DIS3L2: variants seen among roughly 807,000 people sequenced by gnomAD.
The protein encoded by DIS3L2 is DIS3 like 3'-5' exoribonuclease 2.
Under a neutral mutation model 97.5 loss-of-function variants are expected in DIS3L2, and 34 were observed. That is an observed-to-expected ratio of 0.35 (90% confidence interval 0.27 to 0.46). The LOEUF (loss-of-function observed/expected upper bound fraction) is 0.46. Ranked by LOEUF, DIS3L2 falls within the 20% of genes least tolerant of loss-of-function variation. DIS3L2 has a pLI of 1.00. For missense variants in DIS3L2, 1,038 were observed against 1,146.0 expected (o/e 0.91, Z 1.36); for synonymous variants, 435 against 445.2 (o/e 0.98, Z 0.29).
At chr2:232,227,987 G>T (rs990455596) in intron 10 of DIS3L2, among the ~76,000 whole-genome samples, 1 of 152,176 alleles carries the variant, frequency 6.6e-6, no homozygotes, top group Non-Finnish European at 1.5e-5. Flanking sequence ...GTTTGTTTGA[G>T]ATGGAGTTTT....
intron 14 of DIS3L2, among the ~76,000 whole-genome samples, chr2:232,302,541 T>C (rs1451608240): frequency 6.7e-6 from 1 of 150,138 alleles, no homozygotes; most frequent in Non-Finnish European, 1.5e-5. Flanking sequence ...TAGTTTCATT[T>C]ATTTTCTTCT....
chr2:232,300,971 CTG>C (rs10586808), intron 14 of DIS3L2, among the ~76,000 whole-genome samples: 29,660 of 151,890 alleles, frequency 0.2, 4,064 homozygotes, highest in East Asian at 0.48. Context: ...GCCTCCTTGA[CTG>C]TGTATTTTCG....
chr2:232,075,556 C>G (rs765513001), intron 5 of DIS3L2, among the ~76,000 whole-genome samples: 1 of 152,170 alleles, frequency 6.6e-6, no homozygotes, highest in Non-Finnish European at 1.5e-5. Flanking sequence ...ATGGGTAACC[C>G]TCTAATCTGA....
intron 9 of DIS3L2, among the ~76,000 whole-genome samples, chr2:232,174,585 C>CAAA (rs60698530): frequency 3.6e-5 from 3 of 83,936 alleles, no homozygotes; most frequent in African/African-American, 1.4e-4. Flanking sequence ...GACTCCACCT[C>CAAA]AAAAAAAAAA....
chr2:232,091,886 T>C (rs1696848353), intron 6 of DIS3L2, among the ~76,000 whole-genome samples: 1 of 152,220 alleles, frequency 6.6e-6, no homozygotes, highest in Non-Finnish European at 1.5e-5. Flanking sequence ...TGACTTGCAT[T>C]TCTCTGATCA....
At position 231,987,138 on chromosome 2, in the gene DIS3L2, A is replaced by C. The variant is rs143061204; in HGVS notation, c.-94+25373A>C. ...TGTGTGTTTCAGGCCAGATAAGGAT[A>C]GTTTCTTCCAGGACATTCTTCAGGG... On this transcript the variant is annotated intron_variant, in intron 1 of 20. Transcript: ENST00000325385. 3.8e-3 allele frequency among the ~76,000 whole-genome samples: 581 copies of C among 152,304 alleles called. 6 individuals are homozygous for C. Among genetic ancestry groups the C allele is most frequent in the African/African-American group, 0.013 (547 of 41,572 alleles).
chr2:231,972,393 A>G (rs977866740), intron 1 of DIS3L2, among the ~76,000 whole-genome samples: 1 of 152,090 alleles, frequency 6.6e-6, no homozygotes, highest in African/African-American at 2.4e-5. Context: ...ACACATGACT[A>G]GTGGGTTGTG....
intron 6 of DIS3L2, among the ~76,000 whole-genome samples, chr2:232,105,170 T>C (rs538647887): frequency 6.6e-6 from 1 of 152,328 alleles, no homozygotes; most frequent in African/African-American, 2.4e-5. Context: ...ATTTCTACCT[T>C]TGGCTATTGA....
At chr2:232,340,677 A>G (rs1462608033), downstream of DIS3L2, 3 of 468,858 alleles carry the variant, frequency 6.4e-6, no homozygotes, top group South Asian at 4.7e-5. Context: ...ATCTCATTCC[A>G]TGACCAGGGA....
chr2:232,176,787 TAATTA>T (rs1559706461), intron 9 of DIS3L2, among the ~76,000 whole-genome samples: 2 of 149,078 alleles, frequency 1.3e-5, no homozygotes, highest in Non-Finnish European at 3.0e-5. Context: ...ATTAATTAAT[TAATTA>T]ATTTATTATT....
At chr2:232,005,190 T>A (rs1309593713) in intron 1 of DIS3L2, among the ~76,000 whole-genome samples, 5 of 148,946 alleles carry the variant, frequency 3.4e-5, no homozygotes, top group African/African-American at 1.3e-4. Flanking sequence ...TTTTTTTTTT[T>A]TATTTCACTA....
chr2:231,962,162 C>T (rs1692577246), intron 1 of DIS3L2, among the ~76,000 whole-genome samples: 1 of 152,090 alleles, frequency 6.6e-6, no homozygotes, highest in Non-Finnish European at 1.5e-5. Context: ...TCAGGACTGG[C>T]AGGGATGGGG....
intron 1 of DIS3L2, among the ~76,000 whole-genome samples, chr2:231,994,302 CAGAT>C (rs1693668372): frequency 6.6e-6 from 1 of 152,024 alleles, no homozygotes; most frequent in Non-Finnish European, 1.5e-5. Context: ...AGCTTAAAAT[CAGAT>C]AGTATGATTC....
At chr2:232,331,157 T>C (rs3020187) in intron 16 of DIS3L2, among the ~76,000 whole-genome samples, 32,962 of 150,260 alleles carry the variant, frequency 0.22, 4,476 homozygotes, top group African/African-American at 0.39. Flanking sequence ...AGTCCAGAAC[T>C]AGCTGTCAGC....
At chr2:232,166,356 T>C (rs1334558933) in intron 9 of DIS3L2, among the ~76,000 whole-genome samples, 1 of 152,158 alleles carries the variant, frequency 6.6e-6, no homozygotes, top group Non-Finnish European at 1.5e-5. Flanking sequence ...GCGCGCGCCC[T>C]GTGAAAGGAT....
At chr2:232,000,180 T>C (rs923904092) in intron 1 of DIS3L2, among the ~76,000 whole-genome samples, 1 of 152,210 alleles carries the variant, frequency 6.6e-6, no homozygotes, top group Non-Finnish European at 1.5e-5. Context: ...AAAATTGTTG[T>C]TATGCTGTAT....
intron 10 of DIS3L2, among the ~76,000 whole-genome samples, chr2:232,214,920 T>C (rs1383285637): frequency 6.6e-6 from 1 of 152,248 alleles, no homozygotes. Context: ...TGTACTCTGC[T>C]GTTGAACTTA....
chr2:232,049,710 T>A (rs551558333), intron 5 of DIS3L2, among the ~76,000 whole-genome samples: 33 of 152,362 alleles, frequency 2.2e-4, no homozygotes, highest in African/African-American at 7.2e-4. Context: ...CTTTAACTTT[T>A]ACTTTTTGGT....
At position 232,263,290 on chromosome 2, in the gene DIS3L2, C is replaced by A. The variant is rs1321882045; in HGVS notation, c.1509C>A (p.Ser503Arg). The A allele has an allele frequency of 6.2e-7, 1 of 1,614,078 alleles. No homozygotes were observed. The highest frequency in any genetic ancestry group is 8.5e-7 in the Non-Finnish European group (1 of 1,180,042). ...AGCATGCACAGAGCATGATTGAAAGCCCAACTGAGAAAATCCCTGCGAAAG... is the reference window on the plus strand; with the variant it reads ...AGCATGCACAGAGCATGATTGAAAGACCAACTGAGAAAATCCCTGCGAAAG... ...SYEHAQSMIE[S>R]PTEKIPAKEL... The change falls in exon 13 of 21, where the codon AGC becomes AGA. Residue 503 changes from serine (S) to arginine (R), a missense_variant. Coordinates refer to ENST00000325385, the MANE Select transcript of DIS3L2 (RefSeq NM_152383.5).
Sources: allele counts gnomAD v4.1 joint callset (sites outside exome capture counted in the v4.1 genomes callset), GRCh38; gene constraint gnomAD v4.1.1; transcripts MANE v1.5; gene names NCBI Gene and HGNC (gene_info 2026-07-23, HGNC 2026-07-21).